MED12L: variants seen among roughly 807,000 people sequenced by gnomAD.
MED12L encodes the protein mediator complex subunit 12L.
Under a neutral mutation model 281.3 loss-of-function variants are expected in MED12L, and 60 were observed. The observed-to-expected ratio is 0.21, with a 90% CI of 0.17 to 0.26. The LOEUF is 0.26. MED12L is among the 10% of genes least tolerant of loss of function. The pLI, the probability that MED12L is intolerant of heterozygous loss-of-function variation, is 1.00. For synonymous variants in MED12L, 974 were observed against 987.2 expected (o/e 0.99, Z 0.25); for missense variants, 2,146 against 2,680.9 (o/e 0.80, Z 4.41).
At chr3:151,191,537 T>G (rs1723983072) in intron 14 of MED12L, among the ~76,000 whole-genome samples, 1 of 152,182 alleles carries the variant, frequency 6.6e-6, no homozygotes, top group African/African-American at 2.4e-5. Context: ...CTTACTGAAA[T>G]TTTCAAGGCA....
intron 2 of MED12L, among the ~76,000 whole-genome samples, chr3:151,099,192 C>T (rs1292183319): frequency 3.9e-5 from 6 of 152,044 alleles, no homozygotes; most frequent in African/African-American, 4.8e-5. Context: ...TTATGAGAAA[C>T]GTTATTTGGA....
At chr3:151,158,930 G>T (rs1719637349) in intron 7 of MED12L, 131 bp downstream of exon 7, 2 of 675,394 alleles carry the variant, frequency 3.0e-6, no homozygotes, top group East Asian at 5.5e-5. Flanking sequence ...TGTCTTTGAT[G>T]CTATAACACA....
chr3:151,260,307 C>T (rs969273317), intron 16 of MED12L, among the ~76,000 whole-genome samples: 1 of 152,056 alleles, frequency 6.6e-6, no homozygotes, highest in South Asian at 2.1e-4. Flanking sequence ...CTCTCATTTC[C>T]TTCTTAATCT....
intron 43 of MED12L, among the ~76,000 whole-genome samples, chr3:151,429,855 C>T (rs1719282750): frequency 6.6e-6 from 1 of 152,176 alleles, no homozygotes; most frequent in Non-Finnish European, 1.5e-5. Context: ...AGTCCTAGGG[C>T]ACCACCCTGC....
intron 16 of MED12L, among the ~76,000 whole-genome samples, chr3:151,238,130 TTTTTTCTTTTTTCTTTTTC>T (rs1733305717): frequency 1.1e-5 from 1 of 91,274 alleles, no homozygotes; most frequent in Non-Finnish European, 2.2e-5. Flanking sequence ...ACAGTGCACA[TTTTTTCTTTTTTCTTTTTC>T]TTTTTCTTTT....
At chr3:151,135,636 C>T (rs986577712) in intron 5 of MED12L, among the ~76,000 whole-genome samples, 1 of 152,200 alleles carries the variant, frequency 6.6e-6, no homozygotes, top group Non-Finnish European at 1.5e-5. Context: ...GCTCCTCACT[C>T]CTCGCTGTGA....
At chr3:151,300,593 C>G (rs1351622477) in intron 16 of MED12L, among the ~76,000 whole-genome samples, 1 of 152,138 alleles carries the variant, frequency 6.6e-6, no homozygotes. Context: ...GGGAACTGTT[C>G]TGGAAAGTGC....
intron 16 of MED12L, chr3:151,203,299 T>G (rs1243538836): frequency 6.6e-6 from 1 of 152,206 alleles, no homozygotes; most frequent in Non-Finnish European, 1.5e-5. Flanking sequence ...TAGTTTAACT[T>G]TATGAAAGTC....
chr3:151,314,524 A>C (rs1172548968), intron 16 of MED12L, among the ~76,000 whole-genome samples: 1 of 152,194 alleles, frequency 6.6e-6, no homozygotes, highest in African/African-American at 2.4e-5. Flanking sequence ...ACTTGTATTA[A>C]TACTTGTATT....
chr3:151,249,664 T>TGGG (rs1736455507), intron 16 of MED12L, among the ~76,000 whole-genome samples: 1 of 152,182 alleles, frequency 6.6e-6, no homozygotes, highest in Non-Finnish European at 1.5e-5. Context: ...CAGCCTTGAA[T>TGGG]GGGGGCTTTT....
chr3:151,419,892 G>A (rs760677466), intron 43 of MED12L, among the ~76,000 whole-genome samples: 1 of 116,618 alleles, frequency 8.6e-6, no homozygotes, highest in Non-Finnish European at 1.8e-5. Flanking sequence ...GTGTATACCT[G>A]CACAAACATG....
intron 16 of MED12L, among the ~76,000 whole-genome samples, chr3:151,230,861 T>G (rs1731533872): frequency 6.6e-6 from 1 of 152,134 alleles, no homozygotes; most frequent in Admixed American, 6.5e-5. Context: ...GCTCATCTTG[T>G]TTGGAACTCT....
chr3:151,425,263 T>A (rs1718750145), intron 43 of MED12L: 1 of 168,960 alleles, frequency 5.9e-6, no homozygotes, highest in Admixed American at 5.9e-5. Flanking sequence ...ATTTAAATGA[T>A]GTTTATTTAA....
chr3:151,260,539 A>AG (rs1336493516), intron 16 of MED12L, among the ~76,000 whole-genome samples: 2 of 152,174 alleles, frequency 1.3e-5, no homozygotes, highest in Middle Eastern at 3.4e-3. Flanking sequence ...TCATAGAGAT[A>AG]GGGGTCTCAC....
chr3:151,267,512 C>T (rs1002111982), intron 16 of MED12L, among the ~76,000 whole-genome samples: 1 of 152,062 alleles, frequency 6.6e-6, no homozygotes, highest in Non-Finnish European at 1.5e-5. Flanking sequence ...TTGTTAAAAA[C>T]AGAAAAGTGC....
intron 4 of MED12L, among the ~76,000 whole-genome samples, chr3:151,126,303 A>G (rs1306079376): frequency 1.3e-5 from 2 of 152,100 alleles, no homozygotes; most frequent in Non-Finnish European, 2.9e-5. Flanking sequence ...TCTGCTTCCC[A>G]AAGTGCTGGT....
At position 151,294,689 on chromosome 3, in the gene MED12L, T is replaced by G. The variant is rs973317034; in HGVS notation, c.2251-55370T>G. 16 of 1,614,090 alleles carry G rather than the reference T, an allele frequency of 9.9e-6. No homozygotes were observed. Among genetic ancestry groups the G allele is most frequent in the African/African-American group, 4.0e-5 (3 of 74,926 alleles). On this transcript the variant is annotated intron_variant, in intron 16 of 44. Coordinates refer to ENST00000687756, the MANE Select transcript of MED12L (RefSeq NM_001393769.1). ...TTTTGAGCAGTCATGGATATTGTCC[T>G]CTGTTGGCTGACCATTTGTTAGGAT... is the stretch of plus-strand genomic sequence containing the variant.
intron 5 of MED12L, among the ~76,000 whole-genome samples, chr3:151,129,848 T>C (rs1270707195): frequency 6.6e-6 from 1 of 152,108 alleles, no homozygotes; most frequent in African/African-American, 2.4e-5. Flanking sequence ...AACTCACTGC[T>C]TCCTCAAACT....
At chr3:151,123,018 C>A in intron 4 of MED12L, 44 bp downstream of exon 4, 2 of 1,436,564 alleles carry the variant, frequency 1.4e-6, no homozygotes, top group Non-Finnish European at 1.9e-6. Flanking sequence ...GTCTTATAAT[C>A]AGCTGTTTGG....
Sources: gnomAD v4.1 joint callset for allele counts (sites outside exome capture counted in the v4.1 genomes callset) on GRCh38, gnomAD v4.1.1 for gene constraint, MANE v1.5 for transcripts, NCBI Gene and HGNC (gene_info 2026-07-23, HGNC 2026-07-21) for gene names.